The following ZMAT4 variants were observed in gnomAD, a reference collection of about 807,000 sequenced individuals.
ZMAT4 encodes zinc finger matrin-type protein 4.
A neutral mutation model predicts 28.7 loss-of-function variants in ZMAT4; 17 were observed. The observed-to-expected ratio is 0.59, with a 90% CI of 0.41 to 0.89. The LOEUF (loss-of-function observed/expected upper bound fraction) is 0.89, where lower values mean the gene tolerates loss of function less well. Among genes scored for constraint, ZMAT4 ranks in the 40% least tolerant of loss-of-function variants. The probability of loss-of-function intolerance (pLI) is 0.00; values close to 1 mark genes in which losing one functional copy is unlikely to be tolerated. For synonymous variants in ZMAT4, 117 were observed against 109.2 expected, an observed-to-expected ratio of 1.07 and a Z score of -0.44; for missense variants, 240 against 283.8, an observed-to-expected ratio of 0.85 and a Z score of 1.11.
intron 3 of ZMAT4, among the ~76,000 whole-genome samples, chr8:40,749,073 G>A (rs888581271): frequency 3.9e-5 from 6 of 152,084 alleles, no homozygotes; most frequent in African/African-American, 9.7e-5. Context: ...CATGTAAGAC[G>A]TGCCCTTCAT....
chr8:40,833,540 CA>C (rs57458575), intron 1 of ZMAT4, among the ~76,000 whole-genome samples: 9,659 of 87,006 alleles, frequency 0.11, 791 homozygotes, highest in East Asian at 0.43. Context: ...TACACTCCAG[CA>C]AAAAAAAAAA....
chr8:40,865,656 C>T (rs1375310689), intron 1 of ZMAT4, among the ~76,000 whole-genome samples: 1 of 152,198 alleles, frequency 6.6e-6, no homozygotes, highest in Non-Finnish European at 1.5e-5. Flanking sequence ...CTTTTATATT[C>T]TACTGGCACT....
At chr8:40,852,427 G>A (rs1006642183) in intron 1 of ZMAT4, among the ~76,000 whole-genome samples, 1 of 152,060 alleles carries the variant, frequency 6.6e-6, no homozygotes, top group Non-Finnish European at 1.5e-5. Flanking sequence ...CTTATTAAAC[G>A]ATAGCTGGAT....
chr8:40,560,077 GT>G (rs901499798), intron 6 of ZMAT4, among the ~76,000 whole-genome samples: 3 of 152,014 alleles, frequency 2.0e-5, no homozygotes, highest in Admixed American at 6.6e-5. Context: ...CCTAATGACA[GT>G]TTGTCCATGG....
intron 5 of ZMAT4, among the ~76,000 whole-genome samples, chr8:40,616,582 TGGAG>T: frequency 6.6e-6 from 1 of 152,136 alleles, no homozygotes; most frequent in East Asian, 1.9e-4. Context: ...TCATGTCCTT[TGGAG>T]GGACATGGAT....
At chr8:40,816,625 T>C (rs957785602) in intron 2 of ZMAT4, among the ~76,000 whole-genome samples, 2 of 152,214 alleles carry the variant, frequency 1.3e-5, no homozygotes, top group African/African-American at 2.4e-5. Context: ...GCACACTACC[T>C]GCCTACGGAG....
intron 1 of ZMAT4, among the ~76,000 whole-genome samples, chr8:40,879,917 C>T (rs929042412): frequency 6.7e-6 from 1 of 148,784 alleles, no homozygotes; most frequent in African/African-American, 2.4e-5. Context: ...TATGGACGTA[C>T]CGAACTAGTT....
intron 6 of ZMAT4, among the ~76,000 whole-genome samples, chr8:40,553,467 T>C (rs1424704007): frequency 1.3e-5 from 2 of 152,184 alleles, no homozygotes; most frequent in Non-Finnish European, 2.9e-5. Flanking sequence ...TGCCATCAGC[T>C]TTGAGACCTA....
intron 5 of ZMAT4, among the ~76,000 whole-genome samples, chr8:40,590,414 A>T (rs1360701658): frequency 6.6e-6 from 1 of 151,728 alleles, no homozygotes; most frequent in East Asian, 2.0e-4. Context: ...GTGTATTCTC[A>T]TCTCTTTAAA....
At chr8:40,642,756 C>T (rs911195616) in intron 5 of ZMAT4, among the ~76,000 whole-genome samples, 9 of 152,142 alleles carry the variant, frequency 5.9e-5, no homozygotes, top group Non-Finnish European at 7.3e-5. Context: ...CAATATACTA[C>T]CAGATTTAGA....
At chr8:40,637,567 A>C (rs1366829678) in intron 5 of ZMAT4, among the ~76,000 whole-genome samples, 1 of 152,234 alleles carries the variant, frequency 6.6e-6, no homozygotes, top group Non-Finnish European at 1.5e-5. Context: ...TTTTAGAAAC[A>C]TAAATTCCCC....
Position 40,567,403 on chromosome 8 carries a change from C to G in ZMAT4, c.674+13762G>C, listed in dbSNP as rs796710940. On this transcript the variant is annotated intron_variant, in intron 6 of 6. Coordinates refer to ENST00000297737, the MANE Select transcript of ZMAT4 (RefSeq NM_024645.3). ...TCTGGTTACATCTGGCTATTCTTAACACAATATAGAATGGTCTAGATAACA... is the reference window on the plus strand; with the variant it reads ...TCTGGTTACATCTGGCTATTCTTAAGACAATATAGAATGGTCTAGATAACA... 4.6e-5 allele frequency among the ~76,000 whole-genome samples: 7 copies of G among 152,138 alleles called. 1 individual carries two copies. The highest frequency in any genetic ancestry group is 1.7e-4 in the African/African-American group (7 of 41,526).
chr8:40,817,712 C>G (rs765846280), intron 2 of ZMAT4, among the ~76,000 whole-genome samples: 1 of 152,126 alleles, frequency 6.6e-6, no homozygotes, highest in Non-Finnish European at 1.5e-5. Flanking sequence ...CAGGGAGGCC[C>G]ACTCCTGGAG....
Position 40,738,008 on chromosome 8 carries a change from C to T in ZMAT4, c.192+29633G>A, listed in dbSNP as rs190167705. 9.4e-4 allele frequency among the ~76,000 whole-genome samples: 142 copies of T among 151,130 alleles called. 1 individual carries two copies. Among genetic ancestry groups the T allele is most frequent in the African/African-American group, 3.2e-3 (133 of 41,088 alleles). On this transcript the variant is annotated intron_variant, in intron 3 of 6. Coordinates refer to ENST00000297737, the MANE Select transcript of ZMAT4 (RefSeq NM_024645.3). ...AAAAGACTGGTCTAAGGGAGAGCTG[C>T]GAAAAGAGAAGCAAAGAAGTCAGTA... is the stretch of plus-strand genomic sequence containing the variant.
intron 2 of ZMAT4, among the ~76,000 whole-genome samples, chr8:40,768,801 A>C (rs1813270019): frequency 6.6e-6 from 1 of 152,170 alleles, no homozygotes; most frequent in African/African-American, 2.4e-5. Flanking sequence ...ATTGTTCCCT[A>C]ATTCCAATCC....
intron 3 of ZMAT4, among the ~76,000 whole-genome samples, chr8:40,698,595 G>C (rs770277438): frequency 6.6e-6 from 1 of 152,168 alleles, no homozygotes; most frequent in Non-Finnish European, 1.5e-5. Flanking sequence ...GGAGGATGAG[G>C]GTGGCAACTG....
intron 2 of ZMAT4, among the ~76,000 whole-genome samples, chr8:40,774,923 T>C (rs1357823948): frequency 6.6e-6 from 1 of 152,188 alleles, no homozygotes; most frequent in Non-Finnish European, 1.5e-5. Flanking sequence ...AAAATCATCA[T>C]TTTAAAGATT....
At chr8:40,895,629 C>T (rs1818841344) in intron 1 of ZMAT4, among the ~76,000 whole-genome samples, 1 of 152,204 alleles carries the variant, frequency 6.6e-6, no homozygotes, top group South Asian at 2.1e-4. Context: ...TCCGCCCCCT[C>T]CCCCCACACT....
intron 1 of ZMAT4, among the ~76,000 whole-genome samples, chr8:40,846,126 G>T (rs531819657): frequency 6.6e-6 from 1 of 152,140 alleles, no homozygotes; most frequent in Non-Finnish European, 1.5e-5. Flanking sequence ...AGCTGAGACC[G>T]GGAGATAGCA....
Sources: allele counts gnomAD v4.1 joint callset (sites outside exome capture counted in the v4.1 genomes callset), GRCh38; gene constraint gnomAD v4.1.1; transcripts MANE v1.5; gene names NCBI Gene and HGNC (gene_info 2026-07-23, HGNC 2026-07-21).